The following CNTNAP2 variants were observed in gnomAD, a reference collection of about 807,000 sequenced individuals.
CNTNAP2 encodes the protein contactin-associated protein-like 2.
In CNTNAP2, 98 loss-of-function variants were observed where a neutral mutation model predicts 155.2. The ratio of observed to expected loss-of-function variants is 0.63; its 90% CI spans 0.54 to 0.75. The LOEUF (loss-of-function observed/expected upper bound fraction) is 0.75. CNTNAP2 is among the 30% of genes least tolerant of loss of function. CNTNAP2 has a pLI of 0.00. For synonymous variants in CNTNAP2, 651 were observed against 631.2 expected (o/e 1.03, Z -0.47); for missense variants, 1,727 against 1,688.1 (o/e 1.02, Z -0.40).
intron 15 of CNTNAP2, among the ~76,000 whole-genome samples, chr7:147,981,467 T>C (rs1458591339): frequency 6.6e-6 from 1 of 152,262 alleles, no homozygotes; most frequent in Non-Finnish European, 1.5e-5. Context: ...TGTTCAAACC[T>C]ACAGCTTATA....
intron 17 of CNTNAP2, among the ~76,000 whole-genome samples, chr7:148,150,493 A>G (rs898975152): frequency 6.6e-6 from 1 of 152,046 alleles, no homozygotes; most frequent in Admixed American, 6.6e-5. Flanking sequence ...GCTTGCAGTG[A>G]GCCGAGATCG....
At chr7:146,429,152 G>A (rs115638106) in intron 1 of CNTNAP2, among the ~76,000 whole-genome samples, 3,978 of 152,136 alleles carry the variant, frequency 0.026, 147 homozygotes, top group African/African-American at 0.088. Flanking sequence ...ATAGTTTGAA[G>A]CCAGGTATTG....
intron 7 of CNTNAP2, among the ~76,000 whole-genome samples, chr7:147,129,430 T>C (rs1247362684): frequency 1.3e-5 from 2 of 152,080 alleles, no homozygotes; most frequent in Non-Finnish European, 2.9e-5. Context: ...TGGTGCCAGG[T>C]TTCATTAGAT....
chr7:148,246,191 G>C (rs1427318407), intron 20 of CNTNAP2, among the ~76,000 whole-genome samples: 1 of 152,180 alleles, frequency 6.6e-6, no homozygotes, highest in African/African-American at 2.4e-5. Context: ...ACTCCATCCT[G>C]AATATTGTTA....
Position 147,162,363 on chromosome 7 carries a change from T to TA in CNTNAP2, c.1348+29854_1348+29855insA, listed in dbSNP as rs531013659. 4.0e-3 allele frequency among the ~76,000 whole-genome samples: 615 copies of TA among 152,094 alleles called. 6 individuals are homozygous for TA. Among genetic ancestry groups the TA allele is most frequent in the African/African-American group, 0.014 (582 of 41,498 alleles). ...ATGAATAATGTTGTACAGTACAAAA[T>TA]TAAAAAAAGACTGTTTTCATAAGCT... On this transcript the variant is annotated intron_variant, in intron 8 of 23. Coordinates refer to ENST00000361727, the MANE Select transcript of CNTNAP2 (RefSeq NM_014141.6).
chr7:147,416,946 T>A (rs1337085142), intron 10 of CNTNAP2, among the ~76,000 whole-genome samples: 2 of 151,914 alleles, frequency 1.3e-5, no homozygotes, highest in Non-Finnish European at 2.9e-5. Flanking sequence ...AAAATTAGCC[T>A]GGCATAGTGG....
intron 1 of CNTNAP2, among the ~76,000 whole-genome samples, chr7:146,176,380 A>G (rs956689753): frequency 2.0e-5 from 3 of 152,192 alleles, no homozygotes; most frequent in African/African-American, 7.2e-5. Flanking sequence ...GGCGTAAAGG[A>G]TAGTAAAAGG....
At chr7:146,486,571 C>A (rs1045170177) in intron 1 of CNTNAP2, among the ~76,000 whole-genome samples, 1 of 152,104 alleles carries the variant, frequency 6.6e-6, no homozygotes, top group African/African-American at 2.4e-5. Context: ...TTAGGAGAAA[C>A]TCTGGGTGGA....
At chr7:146,942,364 G>A (rs575779366) in intron 3 of CNTNAP2, among the ~76,000 whole-genome samples, 7 of 152,108 alleles carry the variant, frequency 4.6e-5, no homozygotes, top group African/African-American at 1.4e-4. Context: ...ATGTGAAGGC[G>A]CTCATCAAAT....
At chr7:147,958,503 G>T (rs1388151632) in intron 14 of CNTNAP2, among the ~76,000 whole-genome samples, 2 of 152,018 alleles carry the variant, frequency 1.3e-5, no homozygotes, top group African/African-American at 4.8e-5. Context: ...TGCATTAATT[G>T]CCCTTTGAGA....
intron 1 of CNTNAP2, among the ~76,000 whole-genome samples, chr7:146,402,372 C>T (rs1795726765): frequency 6.6e-6 from 1 of 152,056 alleles, no homozygotes; most frequent in African/African-American, 2.4e-5. Flanking sequence ...CAAAAGAGAT[C>T]AGAGACAATC....
chr7:147,533,263 T>TA (rs1799474477), intron 11 of CNTNAP2, among the ~76,000 whole-genome samples: 5 of 152,336 alleles, frequency 3.3e-5, no homozygotes, highest in Admixed American at 2.0e-4. Context: ...TATTCATGCC[T>TA]AGGACAAAAT....
chr7:147,168,450 C>G (rs964425535), intron 8 of CNTNAP2, among the ~76,000 whole-genome samples: 1 of 151,954 alleles, frequency 6.6e-6, no homozygotes, highest in African/African-American at 2.4e-5. Flanking sequence ...TAATTGCCTA[C>G]TTTTTTCCTA....
chr7:146,906,520 A>C (rs1013302861), intron 3 of CNTNAP2, among the ~76,000 whole-genome samples: 2 of 152,172 alleles, frequency 1.3e-5, no homozygotes, highest in Non-Finnish European at 2.9e-5. Context: ...CCTAACTGGG[A>C]GGCACCCCCC....
chr7:146,120,534 C>T lies in CNTNAP2; in HGVS notation c.97+3561C>T, dbSNP rs117207569. Among the ~76,000 whole-genome samples, 213 of 152,210 alleles carry T rather than the reference C, an allele frequency of 1.4e-3. 4 individuals are homozygous for T. In the East Asian group the frequency reaches 0.027, roughly 19 times the overall value. ...CCTTTATGCAGTTATAAACCTACAA[C>T]GTATCATTTTAGATGATATCAAAGT... On this transcript the variant is annotated intron_variant, in intron 1 of 23. Coordinates refer to ENST00000361727, the MANE Select transcript of CNTNAP2 (RefSeq NM_014141.6).
intron 1 of CNTNAP2, among the ~76,000 whole-genome samples, chr7:146,711,776 A>G (rs1801080320): frequency 7.3e-6 from 1 of 136,286 alleles, no homozygotes; most frequent in Admixed American, 7.6e-5. Flanking sequence ...TATAGTATAC[A>G]CATCTTATGT....
intron 16 of CNTNAP2, among the ~76,000 whole-genome samples, chr7:148,131,718 T>C (rs1358924180): frequency 3.3e-5 from 5 of 152,202 alleles, no homozygotes; most frequent in Non-Finnish European, 5.9e-5. Context: ...AGTATCTCCA[T>C]AGGCTTGATA....
At chr7:146,399,029 T>C (rs986767949) in intron 1 of CNTNAP2, among the ~76,000 whole-genome samples, 4 of 151,558 alleles carry the variant, frequency 2.6e-5, no homozygotes, top group Admixed American at 2.6e-4. Context: ...TTATTTTTTA[T>C]AACAGAATAC....
At chr7:146,834,235 C>T (rs935335649) in intron 2 of CNTNAP2, among the ~76,000 whole-genome samples, 2 of 152,150 alleles carry the variant, frequency 1.3e-5, no homozygotes, top group Non-Finnish European at 1.5e-5. Flanking sequence ...CACTAAATTC[C>T]TCTTTTGTCT....
Sources: gnomAD v4.1 joint callset for allele counts (sites outside exome capture counted in the v4.1 genomes callset) on GRCh38, gnomAD v4.1.1 for gene constraint, MANE v1.5 for transcripts, NCBI Gene and HGNC (gene_info 2026-07-23, HGNC 2026-07-21) for gene names.